Variants in KCNC4 observed in about 807,000 individuals in gnomAD.
KCNC4 encodes potassium voltage-gated channel subfamily C member 4.
In KCNC4, 23 loss-of-function variants were observed where a neutral mutation model predicts 42.8. That is an observed-to-expected ratio of 0.54 (90% CI 0.39 to 0.76). The LOEUF (loss-of-function observed/expected upper bound fraction) is 0.76. KCNC4 is among the 30% of genes least tolerant of loss of function. The probability of loss-of-function intolerance (pLI) is 0.00; values close to 1 mark genes in which losing one functional copy is unlikely to be tolerated. For synonymous variants in KCNC4, 422 were observed against 393.5 expected, an observed-to-expected ratio of 1.07 and a Z score of -0.86; for missense variants, 751 against 898.2, an observed-to-expected ratio of 0.84 and a Z score of 2.10.
intron 1 of KCNC4, chr1:110,220,564 G>T (rs1271407056): frequency 6.8e-6 from 1 of 147,008 alleles, no homozygotes; most frequent in Non-Finnish European, 1.5e-5. Context: ...AGTTTCCCAG[G>T]TGGGCCTACT....
exon 4 of KCNC4, chr1:110,248,623 G>A (rs549667593): frequency 4.8e-4 from 73 of 152,114 alleles, no homozygotes; most frequent in African/African-American, 1.7e-3. Context: ...CTTTATTATC[G>A]TATTGTTTCC....
rs149378679 is a variant in KCNC4, at chr1:110,247,018, GTCTT to G, written c.*14713_*14716del. ...CCTACTTATGAGTGAGAACATACTT[GTCTT>G]TCTGTGTCTAACGTATTTCACCTCT... On this transcript the variant is annotated 3_prime_UTR_variant, in exon 4 of 4. Transcript: ENST00000369787. The G allele has an allele frequency of 1.9e-3, 294 of 152,006 alleles. 2 individuals are homozygous for G. The highest frequency in any genetic ancestry group is 6.8e-3 in the African/African-American group (283 of 41,470). 9.4% of individuals were successfully genotyped at this position (152,006 alleles called of 1,614,324 possible).
intron 1 of KCNC4, among the ~76,000 whole-genome samples, chr1:110,258,181 A>G (rs1414688255): frequency 1.3e-5 from 2 of 152,218 alleles, no homozygotes; most frequent in East Asian, 1.9e-4. Context: ...TACTATTCAT[A>G]TATCTAGAAT....
chr1:110,253,059 C>G (rs904743040), downstream of KCNC4, among the ~76,000 whole-genome samples: 1 of 152,170 alleles, frequency 6.6e-6, no homozygotes, highest in African/African-American at 2.4e-5. Context: ...CTCCTCCACT[C>G]AACACTCTTC....
chr1:110,226,854 C>T (rs577508556), intron 3 of KCNC4, among the ~76,000 whole-genome samples: 166 of 152,312 alleles, frequency 1.1e-3, no homozygotes, highest in African/African-American at 3.9e-3. Context: ...GGCTGAAATT[C>T]CATCCCCAGG....
intron 1 of KCNC4, among the ~76,000 whole-genome samples, chr1:110,268,330 G>T (rs921417725): frequency 6.6e-6 from 1 of 152,146 alleles, no homozygotes; most frequent in Non-Finnish European, 1.5e-5. Context: ...AGCCTTGGCC[G>T]GGTACCGTGG....
At chr1:110,216,434 G>A (rs1428869997) in intron 1 of KCNC4, among the ~76,000 whole-genome samples, 2 of 152,214 alleles carry the variant, frequency 1.3e-5, no homozygotes, top group Non-Finnish European at 1.5e-5. Flanking sequence ...GGCCCTGCCC[G>A]CAGGGCATCC....
chr1:110,254,312 C>A (rs1045055006), intron 1 of KCNC4, among the ~76,000 whole-genome samples: 2 of 152,220 alleles, frequency 1.3e-5, no homozygotes, highest in Admixed American at 1.3e-4. Context: ...AGCCAACCAG[C>A]CAGCCACAGG....
At chr1:110,224,243 T>A in intron 2 of KCNC4, 1 of 263,124 alleles carries the variant, frequency 3.8e-6, no homozygotes, top group Non-Finnish European at 7.2e-6. Flanking sequence ...TCTAGGCACC[T>A]GTAAAATGGG....
chr1:110,257,765 G>A (rs1659362681), intron 1 of KCNC4, among the ~76,000 whole-genome samples: 1 of 149,200 alleles, frequency 6.7e-6, no homozygotes, highest in African/African-American at 2.5e-5. Context: ...GTGTTCCAGG[G>A]CTGGTATGGC....
intron 1 of KCNC4, among the ~76,000 whole-genome samples, chr1:110,257,720 C>CAAAAAAAAAAAAAAAAAAAAAAAA (rs56333861): frequency 1.1e-5 from 1 of 91,010 alleles, no homozygotes; most frequent in African/African-American, 5.0e-5. Context: ...GACTCCGTCT[C>CAAAAAAAAAAAAAAAAAAAAAAAA]AAAAAAAAAA....
chr1:110,281,148 CTT>C (rs368124396), intron 1 of KCNC4, among the ~76,000 whole-genome samples: 9 of 152,254 alleles, frequency 5.9e-5, no homozygotes, highest in African/African-American at 2.2e-4. Context: ...ATTTGGAAAA[CTT>C]CATCACTTCC....
At chr1:110,249,029 C>T (rs1323319424) in exon 4 of KCNC4, 1 of 152,252 alleles carries the variant, frequency 6.6e-6, no homozygotes, top group Non-Finnish European at 1.5e-5. Flanking sequence ...TCTGTCAGCT[C>T]AAGGGTGAGG....
chr1:110,270,744 T>C (rs1200777203), intron 1 of KCNC4, among the ~76,000 whole-genome samples: 1 of 152,168 alleles, frequency 6.6e-6, no homozygotes, highest in Non-Finnish European at 1.5e-5. Context: ...GGCCTGGCTC[T>C]TCTCACCCAA....
At chr1:110,212,317 C>T (rs1165512550) in intron 1 of KCNC4, 140 bp downstream of exon 1, 2 of 906,460 alleles carry the variant, frequency 2.2e-6, no homozygotes, top group East Asian at 3.3e-5. Context: ...CTCTCAACCC[C>T]CCTCCGTGGC....
chr1:110,280,571 G>A (rs1026277838), intron 1 of KCNC4, among the ~76,000 whole-genome samples: 1 of 152,038 alleles, frequency 6.6e-6, no homozygotes, highest in Non-Finnish European at 1.5e-5. Context: ...AGCCTGGTCC[G>A]CTGCCCACAA....
At position 110,223,884 on chromosome 1, in the gene KCNC4, CG is replaced by C; in HGVS notation, c.1600del (p.Glu534ArgfsTer99). On this transcript the variant is annotated frameshift_variant, in exon 2 of 4. Coordinates refer to ENST00000438661, the MANE Select transcript of KCNC4 (RefSeq NM_001039574.3). LOFTEE classifies it high-confidence loss of function. The surrounding 1 kb of genome is among the most constrained non-coding windows in gnomAD (Gnocchi z 7.5). ...CCCCTGCCCGGGAAGAGGGTATGAT[CG>C]AGAGGAAACGGGCAGGTGAGATTAG... ...SPPAREEGMI[E>X]RKRADSKQNG... The C allele has an allele frequency of 1.9e-6, 3 of 1,594,718 alleles. No individual in the cohort carries two copies. Among genetic ancestry groups the C allele is most frequent in the Non-Finnish European group, 2.6e-6 (3 of 1,168,442 alleles).
chr1:110,283,389 G>A (rs935966376), downstream of KCNC4, among the ~76,000 whole-genome samples: 19 of 152,140 alleles, frequency 1.2e-4, no homozygotes, highest in African/African-American at 4.6e-4. Context: ...TCCCTTTTTG[G>A]TACCAAGCTT....
Position 110,211,369 on chromosome 1 carries a change from C to G in KCNC4, c.-131C>G. The G allele has an allele frequency of 7.3e-7, 1 of 1,362,954 alleles. No homozygotes were observed. The highest frequency in any genetic ancestry group is 9.8e-7 in the Non-Finnish European group (1 of 1,015,354). The allele number at this position is 1,362,954 out of a possible 1,614,324, so 84.4% of individuals were successfully genotyped here. A position where few individuals can be genotyped will look rare whatever the true frequency, so the allele number is the denominator to read the frequency against. On this transcript the variant is annotated 5_prime_UTR_variant, in exon 1 of 4. Transcript: ENST00000438661. This position sits in a 1 kb window ranked among gnomAD's most constrained non-coding sequence, Gnocchi z 6.5. Reference sequence around the variant, plus strand: ...GGGGATAGGCAGGGGCAAGCCCAAGCCGCAGAGGGGGCCGCCACCGCCTCC... The same window carrying G: ...GGGGATAGGCAGGGGCAAGCCCAAGGCGCAGAGGGGGCCGCCACCGCCTCC...
Sources: allele counts gnomAD v4.1 joint callset (sites outside exome capture counted in the v4.1 genomes callset), GRCh38; gene constraint gnomAD v4.1.1; non-coding constraint Gnocchi (gnomAD v3.1); transcripts MANE v1.5; gene names NCBI Gene and HGNC (gene_info 2026-07-23, HGNC 2026-07-21).